Variants in FOXP2 observed in about 807,000 individuals in gnomAD.
FOXP2 encodes the protein forkhead box protein P2.
Under a neutral mutation model 115.8 loss-of-function variants are expected in FOXP2, and 12 were observed. That is an observed-to-expected ratio of 0.10 (90% CI 0.07 to 0.17). The LOEUF (loss-of-function observed/expected upper bound fraction) is 0.17. Among genes scored for constraint, FOXP2 ranks in the 10% least tolerant of loss-of-function variants. The pLI is 1.00. For missense variants in FOXP2, 629 were observed against 843.5 expected, an observed-to-expected ratio of 0.75 and a Z score of 3.15; for synonymous variants, 328 against 297.7, an observed-to-expected ratio of 1.10 and a Z score of -1.05.
Position 114,676,075 on chromosome 7 carries a change from A to ATTTT in FOXP2, c.2003+11661_2003+11664dup, listed in dbSNP as rs11327459. Among the ~76,000 whole-genome samples the ATTTT allele has an allele frequency of 3.6e-4, 32 of 89,558 alleles. 1 individual carries two copies. The highest frequency in any genetic ancestry group is 6.4e-4 in the African/African-American group (13 of 20,330). The allele number at this position is 89,558 out of a possible 152,430, so 58.8% of individuals were successfully genotyped here. ...CAGATATACACCACCAGGCCCGGCTATTTTTTTTTTTTTTTTTTTTTTTTT... is the reference window on the plus strand; with the variant it reads ...CAGATATACACCACCAGGCCCGGCTATTTTTTTTTTTTTTTTTTTTTTTTTTTTT... On this transcript the variant is annotated intron_variant, in intron 16 of 16. Coordinates refer to ENST00000350908, the MANE Select transcript of FOXP2 (RefSeq NM_014491.4).
intron 1 of FOXP2, among the ~76,000 whole-genome samples, chr7:114,216,265 T>C (rs982685956): frequency 2.0e-5 from 3 of 152,132 alleles, no homozygotes; most frequent in Non-Finnish European, 4.4e-5. Context: ...CACAAGACAC[T>C]CTCATTAAAC....
intron 2 of FOXP2, among the ~76,000 whole-genome samples, chr7:114,342,592 A>C (rs1172885283): frequency 6.6e-6 from 1 of 151,428 alleles, no homozygotes; most frequent in Non-Finnish European, 1.5e-5. Flanking sequence ...AGCTGTTGTC[A>C]AACTGGTTTC....
rs183580882 is a variant in FOXP2 at position 114,152,784 on chromosome 7, C to A, written c.-246-10160C>A. Among the ~76,000 whole-genome samples, 13 of 152,092 alleles carry A rather than the reference C, an allele frequency of 8.5e-5. No individual in the cohort carries two copies. In the East Asian group the frequency reaches 2.5e-3, roughly 29 times the overall value. ...AGGGAAGGTGTTTGCTGTCATTGAC[C>A]GTAGGGTAGTTCTGAAGTTTGACAT... On this transcript the variant is annotated intron_variant, in intron 1 of 19. Coordinates refer to the FOXP2 transcript ENST00000635638.
intron 1 of FOXP2, among the ~76,000 whole-genome samples, chr7:114,280,123 A>AATAC (rs1024642242): frequency 2.0e-5 from 3 of 146,390 alleles, no homozygotes; most frequent in African/African-American, 7.5e-5. Context: ...TAAATAAATA[A>AATAC]AAACAGGTGG....
upstream of FOXP2, chr7:114,086,364 G>A: frequency 2.5e-6 from 1 of 404,268 alleles, no homozygotes; most frequent in Non-Finnish European, 4.9e-6. Flanking sequence ...GCAGCTCCGC[G>A]GCCGCCGCTT....
intron 16 of FOXP2, among the ~76,000 whole-genome samples, chr7:114,675,916 T>A (rs1807728187): frequency 6.6e-6 from 1 of 150,880 alleles, no homozygotes; most frequent in Non-Finnish European, 1.5e-5. Context: ...ATTATTATTA[T>A]TATTATTTTT....
At chr7:114,144,196 G>C (rs942503478) in intron 1 of FOXP2, among the ~76,000 whole-genome samples, 5 of 152,110 alleles carry the variant, frequency 3.3e-5, no homozygotes, top group Non-Finnish European at 7.4e-5. Context: ...TTCAAATTAC[G>C]ATGGCTTTAG....
chr7:114,584,989 T>C (rs1459093913), intron 3 of FOXP2, among the ~76,000 whole-genome samples: 1 of 152,210 alleles, frequency 6.6e-6, no homozygotes, highest in Non-Finnish European at 1.5e-5. Context: ...TGGAATTTTG[T>C]TTGCTTTTGT....
At chr7:114,642,332 C>T (rs1428518063) in intron 6 of FOXP2, 78 bp from the exon 7 acceptor site, 14 of 1,089,682 alleles carry the variant, frequency 1.3e-5, no homozygotes, top group Non-Finnish European at 1.9e-5. Context: ...TGGTATTAAT[C>T]TATTAATAAC....
chr7:114,251,549 C>A lies in FOXP2; in HGVS notation c.-101-36470C>A, dbSNP rs1795444214. On this transcript the variant is annotated intron_variant, in intron 1 of 17. Transcript: ENST00000634411. ...GTTGGATTCCTGGGTATTTTATTCT[C>A]TTTGAAGCAATTGTGAGTGGGACTT... is the stretch of plus-strand genomic sequence containing the variant. 2.0e-5 allele frequency among the ~76,000 whole-genome samples: 3 copies of A among 152,128 alleles called. No individual in the cohort carries two copies. In the South Asian group the frequency reaches 6.2e-4, roughly 32 times the overall value.
chr7:114,187,673 G>A (rs771407405), intron 1 of FOXP2, among the ~76,000 whole-genome samples: 1 of 152,184 alleles, frequency 6.6e-6, no homozygotes, highest in Non-Finnish European at 1.5e-5. Context: ...AAAGTCACGT[G>A]TACATTTTTA....
chr7:114,087,335 T>TC (rs1196563559), upstream of FOXP2, among the ~76,000 whole-genome samples: 23 of 152,264 alleles, frequency 1.5e-4, 1 homozygote, highest in East Asian at 3.5e-3. Context: ...TTGATCGCGT[T>TC]CCTTTCCCTG....
intron 1 of FOXP2, among the ~76,000 whole-genome samples, chr7:114,188,738 A>C (rs904048764): frequency 1.3e-5 from 2 of 152,168 alleles, no homozygotes; most frequent in Non-Finnish European, 2.9e-5. Context: ...GTTCTGTACC[A>C]ATTTGCAAAC....
chr7:114,606,297 T>C (rs1295579957), intron 3 of FOXP2, among the ~76,000 whole-genome samples: 1 of 152,156 alleles, frequency 6.6e-6, no homozygotes, highest in Non-Finnish European at 1.5e-5. Context: ...GGCAGTTTTG[T>C]TTTCAAATCT....
At chr7:114,503,042 T>G (rs1353602055) in intron 2 of FOXP2, among the ~76,000 whole-genome samples, 2 of 151,882 alleles carry the variant, frequency 1.3e-5, no homozygotes, top group African/African-American at 4.8e-5. Context: ...ACAACAGGAG[T>G]GAAACTCTTT....
At chr7:114,223,434 G>A (rs1252709194) in intron 1 of FOXP2, among the ~76,000 whole-genome samples, 1 of 147,460 alleles carries the variant, frequency 6.8e-6, no homozygotes, top group Non-Finnish European at 1.5e-5. Flanking sequence ...TTTTACTTTG[G>A]TGTTATAAAT....
At chr7:114,376,534 G>A (rs1161003064) in intron 2 of FOXP2, among the ~76,000 whole-genome samples, 1 of 152,136 alleles carries the variant, frequency 6.6e-6, no homozygotes, top group Non-Finnish European at 1.5e-5. Flanking sequence ...GCACTGTTCT[G>A]GACTCTAAAT....
intron 1 of FOXP2, among the ~76,000 whole-genome samples, chr7:114,176,224 G>GTCTTGTCTTT: frequency 7.5e-6 from 1 of 133,580 alleles, no homozygotes; most frequent in African/African-American, 3.1e-5. Context: ...GTCTTGTCTT[G>GTCTTGTCTTT]TCTTGTCTTT....
intron 2 of FOXP2, among the ~76,000 whole-genome samples, chr7:114,530,549 A>G (rs1435813957): frequency 6.6e-6 from 1 of 151,916 alleles, no homozygotes; most frequent in Non-Finnish European, 1.5e-5. Flanking sequence ...TTATTTATAA[A>G]CCTTAGCATA....
Sources: gnomAD v4.1 joint callset for allele counts (sites outside exome capture counted in the v4.1 genomes callset) on GRCh38, gnomAD v4.1.1 for gene constraint, MANE v1.5 for transcripts, NCBI Gene and HGNC (gene_info 2026-07-23, HGNC 2026-07-21) for gene names.